The following SLC13A3 variants were observed in gnomAD, a reference collection of about 807,000 sequenced individuals.
SLC13A3 encodes the protein Na(+)/dicarboxylate cotransporter 3.
SLC13A3 carries 40 observed loss-of-function variants against 59.0 expected under a neutral mutation model. That is an observed-to-expected ratio of 0.68 (90% confidence interval 0.53 to 0.88). SLC13A3 has a LOEUF of 0.88. SLC13A3 is among the 40% of genes least tolerant of loss of function. SLC13A3 has a pLI of 0.00. For synonymous variants in SLC13A3, 317 were observed against 330.3 expected, an observed-to-expected ratio of 0.96 and a Z score of 0.44; for missense variants, 699 against 783.2, an observed-to-expected ratio of 0.89 and a Z score of 1.28.
intron 1 of SLC13A3, among the ~76,000 whole-genome samples, chr20:46,678,505 A>G (rs75717450): frequency 1.3e-5 from 2 of 152,300 alleles, no homozygotes; most frequent in African/African-American, 4.8e-5. Flanking sequence ...CTCTACCTCA[A>G]CATCTTCCTC....
chr20:46,567,106 C>T (rs1046572492), intron 10 of SLC13A3, among the ~76,000 whole-genome samples: 69 of 152,096 alleles, frequency 4.5e-4, no homozygotes, highest in East Asian at 1.5e-3. Context: ...GCATGAGAAT[C>T]GCTTGAACCT....
chr20:46,679,599 G>A (rs2063144165), intron 1 of SLC13A3, among the ~76,000 whole-genome samples: 1 of 150,698 alleles, frequency 6.6e-6, no homozygotes, highest in Non-Finnish European at 1.5e-5. Context: ...GGGCGACAGA[G>A]CGAGACTCCG....
intron 1 of SLC13A3, among the ~76,000 whole-genome samples, chr20:46,621,547 T>G (rs990533193): frequency 5.9e-5 from 9 of 152,204 alleles, no homozygotes; most frequent in African/African-American, 2.2e-4. Context: ...TTTAATTCCA[T>G]TTTTTCATGA....
At chr20:46,641,055 C>T (rs2062842100) in intron 1 of SLC13A3, among the ~76,000 whole-genome samples, 1 of 152,084 alleles carries the variant, frequency 6.6e-6, no homozygotes, top group Non-Finnish European at 1.5e-5. Flanking sequence ...GTAGGGAGAG[C>T]ATGGAGGGGC....
chr20:46,595,550 T>C (rs2281280), intron 5 of SLC13A3, among the ~76,000 whole-genome samples: 21,591 of 152,158 alleles, frequency 0.14, 1,766 homozygotes, highest in East Asian at 0.37. Flanking sequence ...TGCCTCCCGC[T>C]GGATCACTCC....
intron 4 of SLC13A3, among the ~76,000 whole-genome samples, chr20:46,599,544 A>G (rs1232973334): frequency 6.6e-6 from 1 of 152,260 alleles, no homozygotes; most frequent in Non-Finnish European, 1.5e-5. Flanking sequence ...CGATTTCAAC[A>G]TCAATGTGAA....
chr20:46,643,199 G>C (rs1034167502), intron 1 of SLC13A3, among the ~76,000 whole-genome samples: 2 of 152,106 alleles, frequency 1.3e-5, no homozygotes, highest in Non-Finnish European at 2.9e-5. Context: ...GGGTGGGAAG[G>C]GGGGAAGGGG....
chr20:46,582,707 C>T (rs1265833810), intron 9 of SLC13A3: 15 of 985,360 alleles, frequency 1.5e-5, no homozygotes, highest in Non-Finnish European at 1.7e-5. Context: ...AACCCTGACT[C>T]TTCCATGGCT....
chr20:46,621,726 C>T (rs1459141730), intron 1 of SLC13A3, among the ~76,000 whole-genome samples: 4 of 152,192 alleles, frequency 2.6e-5, no homozygotes, highest in African/African-American at 9.7e-5. Context: ...TGTGGAACTT[C>T]CCGGCACATC....
intron 4 of SLC13A3, among the ~76,000 whole-genome samples, chr20:46,599,722 A>G (rs1342503911): frequency 1.3e-5 from 2 of 152,092 alleles, no homozygotes; most frequent in Non-Finnish European, 2.9e-5. Flanking sequence ...AGTACCTGTG[A>G]TCCTCAACCT....
At chr20:46,563,383 G>A (rs1270540911) in intron 12 of SLC13A3, 31 bp downstream of exon 12, 3 of 1,602,670 alleles carry the variant, frequency 1.9e-6, no homozygotes, top group East Asian at 2.2e-5. Context: ...CCCACATCCC[G>A]GGGCCTCTGC....
chr20:46,586,571 C>T, intron 8 of SLC13A3, among the ~76,000 whole-genome samples: 1 of 152,144 alleles, frequency 6.6e-6, no homozygotes, highest in Admixed American at 6.5e-5. Flanking sequence ...TATCTAACTG[C>T]CTATTGAGCT....
In SLC13A3 at chr20:46,589,238, T is replaced by G. The variant is rs2062227793; in HGVS notation, c.938A>C (p.Lys313Thr). Residue 313 changes from lysine (K) to threonine (T), a missense_variant, in exon 7 of 13, where the codon AAA becomes ACA. Transcript: ENST00000279027. ...TTCTGCATTGGTTCTTATCTCAGAT[T>G]TATTCTTCCTCCAGCCCCTGAAACA... ...GLSFRGWRKN[K>T]SEIRTNAEDR... 4 of 1,614,074 alleles carry G rather than the reference T, an allele frequency of 2.5e-6. No homozygotes were observed. In the South Asian group the frequency reaches 3.3e-5, roughly 13 times the overall value.
At chr20:46,656,002 A>G (rs2062986182), upstream of SLC13A3, among the ~76,000 whole-genome samples, 1 of 138,890 alleles carries the variant, frequency 7.2e-6, no homozygotes, top group African/African-American at 2.8e-5. Flanking sequence ...TGTATACTAC[A>G]TATACTATAT....
chr20:46,588,128 A>C lies in SLC13A3; in HGVS notation c.1052T>G (p.Met351Arg). ...AEQAVFILFCMFAILLFTRDP... is the reference protein window; with the variant it reads ...AEQAVFILFCRFAILLFTRDP... ...CCGGGTGAAGAGGAGGATGGCAAAC[A>C]TGCAGAAAAGGATGAAAACAGCCTG... The change falls in exon 8 of 13, where the codon ATG (methionine) becomes AGG (arginine). Residue 351 changes from methionine (M) to arginine (R), a missense_variant. Coordinates refer to ENST00000279027, the MANE Select transcript of SLC13A3 (RefSeq NM_022829.6). The C allele has an allele frequency of 6.2e-7, 1 of 1,613,232 alleles. No homozygotes were observed. Among genetic ancestry groups the C allele is most frequent in the Non-Finnish European group, 8.5e-7 (1 of 1,179,498 alleles).
intron 1 of SLC13A3, among the ~76,000 whole-genome samples, chr20:46,616,300 C>A (rs570699756): frequency 6.6e-6 from 1 of 152,172 alleles, no homozygotes; most frequent in South Asian, 2.1e-4. Context: ...ATGTAAAAAT[C>A]AGAAAAAAAG....
intron 3 of SLC13A3, among the ~76,000 whole-genome samples, chr20:46,604,938 T>G (rs929389431): frequency 3.3e-5 from 5 of 152,190 alleles, no homozygotes; most frequent in Non-Finnish European, 7.3e-5. Context: ...CTCTACCCTC[T>G]TCCCACCTGG....
chr20:46,628,896 G>T (rs191017088), intron 1 of SLC13A3, among the ~76,000 whole-genome samples: 16 of 152,348 alleles, frequency 1.1e-4, no homozygotes, highest in African/African-American at 3.8e-4. Context: ...GGGCCAGGAA[G>T]CCTGGGGATA....
intron 1 of SLC13A3, among the ~76,000 whole-genome samples, chr20:46,638,688 C>T (rs1239403653): frequency 6.6e-6 from 1 of 152,230 alleles, no homozygotes; most frequent in Non-Finnish European, 1.5e-5. Flanking sequence ...CCTCAGTTTC[C>T]TCATCAGCAA....
Sources: allele counts gnomAD v4.1 joint callset (sites outside exome capture counted in the v4.1 genomes callset), GRCh38; gene constraint gnomAD v4.1.1; transcripts MANE v1.5; gene names NCBI Gene and HGNC (gene_info 2026-07-23, HGNC 2026-07-21).